The following PDE8B variants were observed in gnomAD, a reference collection of about 807,000 sequenced individuals.
The protein encoded by PDE8B is high affinity cAMP-specific and IBMX-insensitive 3',5'-cyclic phosphodiesterase 8B.
In PDE8B, 26 loss-of-function variants were observed where a neutral mutation model predicts 101.3. The observed-to-expected ratio is 0.26, with a 90% confidence interval of 0.19 to 0.36. PDE8B has a LOEUF of 0.36. Ranked by LOEUF, PDE8B falls within the 10% of genes least tolerant of loss-of-function variation. The pLI is 1.00. For missense variants in PDE8B, 810 were observed against 1,163.1 expected, an observed-to-expected ratio of 0.70 and a Z score of 4.42; for synonymous variants, 424 against 429.3, an observed-to-expected ratio of 0.99 and a Z score of 0.15.
At chr5:77,129,895 G>C in the PDE8B span, among the ~76,000 whole-genome samples, 1 of 152,222 alleles carries the variant, frequency 6.6e-6, no homozygotes, top group Non-Finnish European at 1.5e-5. Flanking sequence ...TGGGAAGCCA[G>C]AAAAAAATTG....
intron 10 of PDE8B, among the ~76,000 whole-genome samples, chr5:77,376,692 G>A (rs1447109616): frequency 6.6e-6 from 1 of 152,158 alleles, no homozygotes; most frequent in Non-Finnish European, 1.5e-5. Flanking sequence ...GACACACAGT[G>A]ATAAAACTGT....
chr5:77,383,448 C>T (rs1033880099), intron 10 of PDE8B, among the ~76,000 whole-genome samples: 1 of 152,176 alleles, frequency 6.6e-6, no homozygotes, highest in Non-Finnish European at 1.5e-5. Context: ...TCCCATTTGT[C>T]ACTTTTGGCT....
intron 10 of PDE8B, among the ~76,000 whole-genome samples, chr5:77,382,275 CA>C (rs5868865): frequency 0.11 from 15,734 of 148,940 alleles, 2,053 homozygotes; most frequent in African/African-American, 0.31. Context: ...TTCCAACTAT[CA>C]AAAAAAAAAG....
chr5:77,290,544 T>C (rs1484878230), intron 1 of PDE8B: 1 of 1,482,402 alleles, frequency 6.7e-7, no homozygotes, highest in Non-Finnish European at 9.4e-7. Context: ...TGACGATGCC[T>C]TGTGGGAGAA....
chr5:77,158,873 G>A, the PDE8B span, among the ~76,000 whole-genome samples: 4 of 152,170 alleles, frequency 2.6e-5, no homozygotes, highest in Non-Finnish European at 4.4e-5. Context: ...AGCAACACAT[G>A]AGACTCAACA....
At chr5:77,152,782 T>C in the PDE8B span, among the ~76,000 whole-genome samples, 1 of 140,502 alleles carries the variant, frequency 7.1e-6, no homozygotes, top group Non-Finnish European at 1.6e-5. Flanking sequence ...CACCCTCACC[T>C]CCGCAGCCGG....
chr5:77,377,950 C>T (rs1786493923), intron 10 of PDE8B, among the ~76,000 whole-genome samples: 1 of 151,586 alleles, frequency 6.6e-6, no homozygotes, highest in African/African-American at 2.4e-5. Flanking sequence ...CCACCATAAT[C>T]ATGTGAGCCA....
intron 10 of PDE8B, among the ~76,000 whole-genome samples, chr5:77,382,142 A>G (rs1013224045): frequency 6.6e-6 from 1 of 152,216 alleles, no homozygotes; most frequent in Non-Finnish European, 1.5e-5. Flanking sequence ...ATAGAGTTAG[A>G]AGGACTGTAA....
At chr5:77,369,310 A>G (rs1252633868) in intron 10 of PDE8B, among the ~76,000 whole-genome samples, 1 of 152,076 alleles carries the variant, frequency 6.6e-6, no homozygotes, top group Non-Finnish European at 1.5e-5. Context: ...AGATGGAAAG[A>G]AGAATAAAGA....
intron 1 of PDE8B, among the ~76,000 whole-genome samples, chr5:77,227,909 A>G (rs1752754487): frequency 6.6e-6 from 1 of 152,162 alleles, no homozygotes; most frequent in Non-Finnish European, 1.5e-5. Flanking sequence ...ACAAGCAGAT[A>G]TTTACTTCTT....
At chr5:77,344,295 G>C (rs907347422) in intron 6 of PDE8B, among the ~76,000 whole-genome samples, 2 of 152,228 alleles carry the variant, frequency 1.3e-5, no homozygotes, top group Admixed American at 1.3e-4. Flanking sequence ...ACGGACACGT[G>C]AGGGTGTTAT....
intron 10 of PDE8B, among the ~76,000 whole-genome samples, chr5:77,389,278 A>G (rs1424153114): frequency 6.6e-6 from 1 of 152,138 alleles, no homozygotes; most frequent in Non-Finnish European, 1.5e-5. Context: ...GGAATGTACC[A>G]TTCCTCAGGG....
At chr5:77,331,307 A>G (rs1581084233) in intron 4 of PDE8B, 95 bp from the exon 5 acceptor site, 1 of 1,087,842 alleles carries the variant, frequency 9.2e-7, no homozygotes, top group Non-Finnish European at 1.4e-6. Flanking sequence ...TCTTGGAGCT[A>G]ACGCTGTGTG....
chr5:77,294,653 A>T (rs1290283807), intron 1 of PDE8B, among the ~76,000 whole-genome samples: 1 of 151,860 alleles, frequency 6.6e-6, no homozygotes, highest in African/African-American at 2.4e-5. Flanking sequence ...AGAAATAGAA[A>T]TAAAAGCAAA....
chr5:77,423,482 A>G (rs1304654123), intron 20 of PDE8B, among the ~76,000 whole-genome samples: 1 of 152,088 alleles, frequency 6.6e-6, no homozygotes, highest in Non-Finnish European at 1.5e-5. Context: ...TTTCTCACCA[A>G]CAGTGTATAA....
At chr5:77,182,271 C>T in the PDE8B span, among the ~76,000 whole-genome samples, 10 of 151,414 alleles carry the variant, frequency 6.6e-5, no homozygotes, top group Non-Finnish European at 1.0e-4. Flanking sequence ...CGTTTATGGA[C>T]GGAAGAGATA....
At chr5:77,124,934 A>T in the PDE8B span, among the ~76,000 whole-genome samples, 29 of 152,242 alleles carry the variant, frequency 1.9e-4, no homozygotes, top group Non-Finnish European at 2.9e-5. Flanking sequence ...TGAAGAATTA[A>T]TAGTAAAAGA....
At chr5:77,405,324 T>A (rs1793194415) in intron 12 of PDE8B, among the ~76,000 whole-genome samples, 1 of 152,220 alleles carries the variant, frequency 6.6e-6, no homozygotes, top group East Asian at 1.9e-4. Flanking sequence ...TGCAGGGAGA[T>A]GGAAAAGTCA....
chr5:77,398,744 T>G (rs1162550989), intron 10 of PDE8B, among the ~76,000 whole-genome samples: 1 of 152,224 alleles, frequency 6.6e-6, no homozygotes, highest in African/African-American at 2.4e-5. Context: ...TCACCGTCAC[T>G]CTAAACCCGC....
Sources: gnomAD v4.1 joint callset for allele counts (sites outside exome capture counted in the v4.1 genomes callset) on GRCh38, gnomAD v4.1.1 for gene constraint, MANE v1.5 for transcripts, NCBI Gene and HGNC (gene_info 2026-07-23, HGNC 2026-07-21) for gene names.